The following ATG7 variants were observed in gnomAD, a reference collection of about 807,000 sequenced individuals.
ATG7 encodes the protein ubiquitin-like modifier-activating enzyme ATG7.
In ATG7, 70 loss-of-function variants were observed where a neutral mutation model predicts 82.4. The observed-to-expected ratio is 0.85, with a 90% CI of 0.70 to 1.04. ATG7 has a LOEUF of 1.04. Among genes scored for constraint, ATG7 ranks in the 50% least tolerant of loss-of-function variants. The pLI is 0.00. For missense variants in ATG7, 792 were observed against 864.3 expected, an observed-to-expected ratio of 0.92 and a Z score of 1.05; for synonymous variants, 287 against 313.0, an observed-to-expected ratio of 0.92 and a Z score of 0.88.
At chr3:11,480,096 T>G (rs2088757368) in intron 20 of ATG7, among the ~76,000 whole-genome samples, 1 of 151,246 alleles carries the variant, frequency 6.6e-6, no homozygotes, top group Non-Finnish European at 1.5e-5. Context: ...CTCAGCTAAT[T>G]TTTTTTTTGT....
Position 11,299,353 on chromosome 3 carries a change from T to G in ATG7, c.161-9T>G, listed in dbSNP as rs757539584. 2 of 1,607,222 alleles carry G rather than the reference T, an allele frequency of 1.2e-6. No homozygotes were observed. On this transcript the variant is annotated splice_polypyrimidine_tract_variant and intron_variant, in intron 4 of 20. Coordinates refer to ENST00000693202, the MANE Select transcript of ATG7 (RefSeq NM_001349232.2). Reference sequence around the variant, plus strand: ...TTGTCATTGAAAATGTGATAATGCTTCTGTCCAGGTGACTCTGCTGGGCTG... The same window carrying G: ...TTGTCATTGAAAATGTGATAATGCTGCTGTCCAGGTGACTCTGCTGGGCTG...
chr3:11,461,659 A>T (rs9823197), intron 20 of ATG7, among the ~76,000 whole-genome samples: 76,186 of 152,036 alleles, frequency 0.5, 19,998 homozygotes, highest in East Asian at 0.67. Context: ...TTGTACTATA[A>T]TTAACCCCCA....
chr3:11,490,730 A>G (rs1191347752), intron 20 of ATG7, among the ~76,000 whole-genome samples: 1 of 152,038 alleles, frequency 6.6e-6, no homozygotes, highest in Non-Finnish European at 1.5e-5. Context: ...TTCACTTATG[A>G]AGCTTAGTTT....
intron 1 of ATG7, among the ~76,000 whole-genome samples, chr3:11,274,245 T>C (rs895379324): frequency 1.3e-5 from 2 of 152,238 alleles, no homozygotes; most frequent in East Asian, 3.8e-4. Flanking sequence ...TGTCTGGCAC[T>C]GCGCTGCAAG....
intron 20 of ATG7, among the ~76,000 whole-genome samples, chr3:11,544,753 C>T (rs138480282): frequency 1.7e-4 from 26 of 152,346 alleles, no homozygotes; most frequent in African/African-American, 5.8e-4. Context: ...CAAAAATCCC[C>T]CTTTCTTTTC....
chr3:11,462,137 C>G (rs1163680604), intron 20 of ATG7, among the ~76,000 whole-genome samples: 1 of 152,094 alleles, frequency 6.6e-6, no homozygotes, highest in African/African-American at 2.4e-5. Flanking sequence ...GTTTCCATTT[C>G]TAACTGGAAG....
chr3:11,414,755 A>T (rs1403709263), intron 19 of ATG7, among the ~76,000 whole-genome samples: 1 of 152,104 alleles, frequency 6.6e-6, no homozygotes, highest in Non-Finnish European at 1.5e-5. Flanking sequence ...GTTTACTGAG[A>T]GTTTTTGTCA....
intron 3 of ATG7, among the ~76,000 whole-genome samples, chr3:11,295,248 T>A (rs1945682231): frequency 6.6e-6 from 1 of 152,248 alleles, no homozygotes; most frequent in African/African-American, 2.4e-5. Context: ...TGTTGTCTTT[T>A]GTGATCAATG....
At chr3:11,317,541 G>A (rs1012193600) in intron 9 of ATG7, among the ~76,000 whole-genome samples, 1 of 150,660 alleles carries the variant, frequency 6.6e-6, no homozygotes, top group Non-Finnish European at 1.5e-5. Context: ...AAAGTCACAC[G>A]ACCACATTGT....
chr3:11,345,999 AAT>A (rs1954484341), intron 13 of ATG7, among the ~76,000 whole-genome samples: 2 of 152,218 alleles, frequency 1.3e-5, no homozygotes, highest in Non-Finnish European at 2.9e-5. Flanking sequence ...TTAGATATAT[AAT>A]AATGTCCTTT....
intron 20 of ATG7, among the ~76,000 whole-genome samples, chr3:11,513,311 G>T (rs938143595): frequency 6.6e-6 from 1 of 152,178 alleles, no homozygotes; most frequent in Non-Finnish European, 1.5e-5. Context: ...TGCTCGTTGG[G>T]GAGGCTCGGG....
intron 20 of ATG7, among the ~76,000 whole-genome samples, chr3:11,452,581 C>T (rs113786112): frequency 0.033 from 4,971 of 152,116 alleles, 106 homozygotes; most frequent in Non-Finnish European, 0.052. Flanking sequence ...CTAGGCACTT[C>T]AGCAAACAGC....
chr3:11,461,682 C>G lies in ATG7; in HGVS notation c.2079+34756C>G, dbSNP rs2086315060. Among the ~76,000 whole-genome samples, 4 of 152,218 alleles carry G rather than the reference C, an allele frequency of 2.6e-5. No individual in the cohort carries two copies. In the South Asian group the frequency reaches 8.3e-4, roughly 32 times the overall value. On this transcript the variant is annotated intron_variant, in intron 20 of 20. Coordinates refer to ENST00000693202, the MANE Select transcript of ATG7 (RefSeq NM_001349232.2). ...TAATTAACCCCCAGAAACAGAACATCAAAACCAAGACACTTTGGCAATCGT... is the reference window on the plus strand; with the variant it reads ...TAATTAACCCCCAGAAACAGAACATGAAAACCAAGACACTTTGGCAATCGT...
chr3:11,333,748 C>CTTT (rs770412107), intron 11 of ATG7, among the ~76,000 whole-genome samples: 1 of 138,224 alleles, frequency 7.2e-6, no homozygotes, highest in Non-Finnish European at 1.6e-5. Flanking sequence ...GGATATATTT[C>CTTT]TTTTTTTTTT....
At chr3:11,292,650 C>CAATTGAA (rs1945177491) in intron 3 of ATG7, among the ~76,000 whole-genome samples, 794 of 10,182 alleles carry the variant, frequency 0.078, 3 homozygotes, top group Middle Eastern at 0.14. Context: ...GAATTGAATT[C>CAATTGAA]CCACCACACC....
chr3:11,360,617 G>A lies in ATG7; in HGVS notation c.1516G>A (p.Val506Ile). The A allele has an allele frequency of 1.2e-6, 2 of 1,614,136 alleles. No individual in the cohort carries two copies. The highest frequency in any genetic ancestry group is 1.7e-6 in the Non-Finnish European group (2 of 1,180,030). ...TGCTGCTTTGGGATTTGACACATTT[G>A]TTGTCATGAGACATGGTCTGAAGAA... is the stretch of plus-strand genomic sequence containing the variant. ...INAALGFDTF[V>I]VMRHGLKKPK... The change falls in exon 16 of 21, where the codon GTT becomes ATT. Residue 506 changes from valine (V) to isoleucine (I), a missense_variant. By Grantham distance (29) the Val-to-Ile change is conservative. Coordinates refer to ENST00000693202, the MANE Select transcript of ATG7 (RefSeq NM_001349232.2).
At chr3:11,376,124 A>AT (rs2077398132) in intron 18 of ATG7, among the ~76,000 whole-genome samples, 1 of 152,250 alleles carries the variant, frequency 6.6e-6, no homozygotes, top group Admixed American at 6.5e-5. Flanking sequence ...TTTATAGTAA[A>AT]TAAGCAGAAT....
At chr3:11,470,598 T>C (rs2087386271) in intron 20 of ATG7, among the ~76,000 whole-genome samples, 2 of 152,212 alleles carry the variant, frequency 1.3e-5, no homozygotes, top group Non-Finnish European at 2.9e-5. Flanking sequence ...TTTCATCCTG[T>C]CCTTTTCCTG....
intron 20 of ATG7, among the ~76,000 whole-genome samples, chr3:11,525,301 G>A (rs1405481518): frequency 6.6e-6 from 1 of 151,392 alleles, no homozygotes; most frequent in African/African-American, 2.5e-5. Context: ...AAAGTGCTAG[G>A]ATTATAGGTA....
Sources: allele counts gnomAD v4.1 joint callset (sites outside exome capture counted in the v4.1 genomes callset), GRCh38; gene constraint gnomAD v4.1.1; transcripts MANE v1.5; gene names NCBI Gene and HGNC (gene_info 2026-07-23, HGNC 2026-07-21).